GPC5: variants seen among roughly 807,000 people sequenced by gnomAD.
GPC5 encodes the protein glypican 5.
Under a neutral mutation model 53.9 loss-of-function variants are expected in GPC5, and 47 were observed. That is an observed-to-expected ratio of 0.87 (90% confidence interval 0.69 to 1.11). The LOEUF is 1.11. GPC5 is among the 50% of genes most tolerant of loss of function. The pLI, the probability that GPC5 is intolerant of heterozygous loss-of-function variation, is 0.00. For synonymous variants in GPC5, 286 were observed against 263.3 expected (o/e 1.09, Z -0.84); for missense variants, 748 against 713.1 (o/e 1.05, Z -0.56).
At chr13:92,157,912 T>G (rs1453257777) in intron 7 of GPC5, among the ~76,000 whole-genome samples, 2 of 152,142 alleles carry the variant, frequency 1.3e-5, no homozygotes, top group African/African-American at 4.8e-5. Flanking sequence ...ACTCATAAAT[T>G]ACAGTCTAGA....
chr13:92,100,199 TCAAGAC>T (rs1389693333), intron 6 of GPC5, among the ~76,000 whole-genome samples: 1 of 152,092 alleles, frequency 6.6e-6, no homozygotes, highest in Non-Finnish European at 1.5e-5. Flanking sequence ...GATCAGGAGT[TCAAGAC>T]CAACCTGTCC....
At chr13:92,345,358 G>C (rs2043402153) in intron 7 of GPC5, among the ~76,000 whole-genome samples, 1 of 152,066 alleles carries the variant, frequency 6.6e-6, no homozygotes, top group African/African-American at 2.4e-5. Flanking sequence ...GTATGAAAGA[G>C]AAAAAATAAC....
intron 3 of GPC5, among the ~76,000 whole-genome samples, chr13:91,717,563 A>ATT (rs113259870): frequency 4.8e-5 from 7 of 147,326 alleles, no homozygotes; most frequent in African/African-American, 9.9e-5. Context: ...TTGCTTGCAC[A>ATT]TTTTTTTTTT....
rs188275132 is a variant in GPC5 at position 92,592,804 on chromosome 13, C to T, written c.1562-273478C>T. 8.0e-4 allele frequency among the ~76,000 whole-genome samples: 121 copies of T among 151,170 alleles called. 4 individuals are homozygous for T. The highest frequency in any genetic ancestry group is 3.5e-3 in the Middle Eastern group (1 of 286). ...CAAGTATGGCTCAATGGAGGGAGAG[C>T]GAGATGGCCTGTGTGACAGCTCCTT... On this transcript the variant is annotated intron_variant, in intron 7 of 7. Coordinates refer to ENST00000377067, the MANE Select transcript of GPC5 (RefSeq NM_004466.6).
rs1373574881 is a variant in GPC5, at chr13:91,546,675, A to T, written c.325+97753A>T. On this transcript the variant is annotated intron_variant, in intron 2 of 7. Transcript: ENST00000377067. Reference sequence around the variant, plus strand: ...TAAAAAAAGTCAGTTTCTCTGGAGCAATTGGAAAAATGACCAGCAAAATGA... The same window carrying T: ...TAAAAAAAGTCAGTTTCTCTGGAGCTATTGGAAAAATGACCAGCAAAATGA... Among the ~76,000 whole-genome samples the T allele has an allele frequency of 2.6e-5, 4 of 152,126 alleles. No individual in the cohort carries two copies. The East Asian group carries it at 7.7e-4, about 29-fold the overall frequency.
At chr13:92,140,222 A>C (rs1478514316) in intron 6 of GPC5, among the ~76,000 whole-genome samples, 1 of 152,222 alleles carries the variant, frequency 6.6e-6, no homozygotes, top group East Asian at 1.9e-4. Flanking sequence ...AATTCTAGAC[A>C]TAAAGTCATA....
At chr13:91,794,451 A>ACAGGCTCTGGATCACCAGCTTC (rs2038016940) in intron 5 of GPC5, among the ~76,000 whole-genome samples, 1 of 152,220 alleles carries the variant, frequency 6.6e-6, no homozygotes, top group Non-Finnish European at 1.5e-5. Context: ...TCCAAAAGGG[A>ACAGGCTCTGGATCACCAGCTTC]CAGGCTCTGG....
intron 6 of GPC5, among the ~76,000 whole-genome samples, chr13:91,967,810 G>A (rs568369748): frequency 2.0e-5 from 3 of 152,128 alleles, no homozygotes; most frequent in African/African-American, 4.8e-5. Context: ...TTCAACTAAA[G>A]TTTATACAAT....
chr13:92,127,001 T>C (rs115069378), intron 6 of GPC5, among the ~76,000 whole-genome samples: 3,049 of 152,204 alleles, frequency 0.02, 61 homozygotes, highest in African/African-American at 0.06. Flanking sequence ...AACCCTTAAG[T>C]CAAGTGGTTT....
intron 7 of GPC5, among the ~76,000 whole-genome samples, chr13:92,751,736 TAAAGTATAA>T (rs1302187138): frequency 7.0e-6 from 1 of 142,356 alleles, no homozygotes; most frequent in Non-Finnish European, 1.5e-5. Context: ...CCCTAGAACT[TAAAGTATAA>T]AAAAAAATAA....
chr13:91,930,010 C>G (rs981233678), intron 6 of GPC5, among the ~76,000 whole-genome samples: 9 of 151,914 alleles, frequency 5.9e-5, no homozygotes, highest in African/African-American at 1.9e-4. Flanking sequence ...TATAAGCTAG[C>G]CTTTGATGGC....
intron 7 of GPC5, among the ~76,000 whole-genome samples, chr13:92,280,612 T>G (rs2042907595): frequency 6.6e-6 from 1 of 152,200 alleles, no homozygotes; most frequent in African/African-American, 2.4e-5. Flanking sequence ...TAAAAATTTA[T>G]TTGCTGAATT....
chr13:92,097,996 T>C (rs2041435099), intron 6 of GPC5, among the ~76,000 whole-genome samples: 1 of 152,166 alleles, frequency 6.6e-6, no homozygotes, highest in African/African-American at 2.4e-5. Flanking sequence ...CTTTGCACCT[T>C]TTTTATTTTT....
At chr13:91,528,409 C>A (rs923056018) in intron 2 of GPC5, among the ~76,000 whole-genome samples, 1 of 152,164 alleles carries the variant, frequency 6.6e-6, no homozygotes, top group African/African-American at 2.4e-5. Flanking sequence ...AGCAAAGTGA[C>A]CTTTGCTCCA....
chr13:92,480,927 T>C (rs1243097266), intron 7 of GPC5, among the ~76,000 whole-genome samples: 1 of 152,052 alleles, frequency 6.6e-6, no homozygotes, highest in Non-Finnish European at 1.5e-5. Flanking sequence ...CACCTAGCGA[T>C]TGCTGGTTTT....
At chr13:92,170,866 T>C in intron 7 of GPC5, among the ~76,000 whole-genome samples, 1 of 152,088 alleles carries the variant, frequency 6.6e-6, no homozygotes, top group East Asian at 1.9e-4. Context: ...CCATTTTCCT[T>C]GGAAGTAGAA....
intron 7 of GPC5, among the ~76,000 whole-genome samples, chr13:92,423,733 C>T (rs1341257528): frequency 6.6e-6 from 1 of 152,132 alleles, no homozygotes; most frequent in Non-Finnish European, 1.5e-5. Flanking sequence ...TTTCACATCC[C>T]TGTAGCCTAA....
intron 7 of GPC5, among the ~76,000 whole-genome samples, chr13:92,838,213 G>A (rs1327221071): frequency 3.3e-5 from 5 of 151,160 alleles, no homozygotes; most frequent in South Asian, 2.1e-4. Flanking sequence ...GGCCAGGCAC[G>A]GTGGCTCACG....
intron 6 of GPC5, among the ~76,000 whole-genome samples, chr13:92,013,975 G>A (rs905367943): frequency 6.6e-6 from 1 of 152,154 alleles, no homozygotes. Flanking sequence ...CATAGATATA[G>A]TGAAATCATG....
Sources: allele counts gnomAD v4.1 joint callset (sites outside exome capture counted in the v4.1 genomes callset), GRCh38; gene constraint gnomAD v4.1.1; transcripts MANE v1.5; gene names NCBI Gene and HGNC (gene_info 2026-07-23, HGNC 2026-07-21).